NRXN3: variants seen among roughly 807,000 people sequenced by gnomAD.
NRXN3 encodes the protein neurexin 3.
NRXN3 carries 32 observed loss-of-function variants against 137.6 expected under a neutral mutation model. That is an observed-to-expected ratio of 0.23 (90% CI 0.18 to 0.31). The LOEUF (loss-of-function observed/expected upper bound fraction) is 0.31. NRXN3 is among the 10% of genes least tolerant of loss of function. NRXN3 has a pLI of 1.00. For synonymous variants in NRXN3, 798 were observed against 784.5 expected, an observed-to-expected ratio of 1.02 and a Z score of -0.29; for missense variants, 1,574 against 2,062.5, an observed-to-expected ratio of 0.76 and a Z score of 4.59.
intron 17 of NRXN3, chr14:79,669,260 A>G (rs1203297905): frequency 6.6e-6 from 1 of 152,130 alleles, no homozygotes; most frequent in African/African-American, 2.4e-5. Flanking sequence ...GGAAAGCCAT[A>G]TTTGAACAAG....
rs2099023659 is a variant in NRXN3, at chr14:79,757,467, G to C, written c.4015-47645G>C. Among the ~76,000 whole-genome samples, 4 of 152,206 alleles carry C rather than the reference G, an allele frequency of 2.6e-5. 1 individual carries two copies. The South Asian group carries it at 8.3e-4, about 32-fold the overall frequency. On this transcript the variant is annotated intron_variant, in intron 19 of 20. Transcript: ENST00000335750. Reference sequence around the variant, plus strand: ...ATTGAGAAGACCAAGCAAAATTAATGGTGATATTATATCTGGTGAAATTAT... The same window carrying C: ...ATTGAGAAGACCAAGCAAAATTAATCGTGATATTATATCTGGTGAAATTAT...
At chr14:79,000,687 G>C (rs2099539626) in intron 15 of NRXN3, among the ~76,000 whole-genome samples, 1 of 152,144 alleles carries the variant, frequency 6.6e-6, no homozygotes, top group Non-Finnish European at 1.5e-5. Flanking sequence ...GCTCACATCA[G>C]TGCCCTGCTG....
At chr14:78,819,186 C>T (rs74065169) in intron 10 of NRXN3, among the ~76,000 whole-genome samples, 3,935 of 152,134 alleles carry the variant, frequency 0.026, 76 homozygotes, top group East Asian at 0.06. Flanking sequence ...TTCCTTCTAC[C>T]TTTCCAAGAT....
chr14:78,456,339 T>C (rs1289574464), intron 4 of NRXN3, among the ~76,000 whole-genome samples: 1 of 152,188 alleles, frequency 6.6e-6, no homozygotes, highest in African/African-American at 2.4e-5. Flanking sequence ...TGAATAAGGC[T>C]TATTAATAGG....
chr14:79,253,352 T>C (rs1371486152), intron 15 of NRXN3, among the ~76,000 whole-genome samples: 1 of 152,124 alleles, frequency 6.6e-6, no homozygotes, highest in Admixed American at 6.5e-5. Flanking sequence ...GGGAATACAG[T>C]AAAAGCTTTC....
intron 15 of NRXN3, among the ~76,000 whole-genome samples, chr14:79,236,584 A>G (rs2073403131): frequency 6.6e-6 from 1 of 152,186 alleles, no homozygotes; most frequent in East Asian, 1.9e-4. Context: ...AGAAAAATAT[A>G]TATTTTTTGT....
At chr14:79,609,301 T>C (rs550969799) in intron 16 of NRXN3, among the ~76,000 whole-genome samples, 52 of 152,274 alleles carry the variant, frequency 3.4e-4, no homozygotes, top group Admixed American at 2.9e-3. Flanking sequence ...AAGGGCTCCT[T>C]ACCACAGTCA....
intron 4 of NRXN3, among the ~76,000 whole-genome samples, chr14:78,621,569 T>C (rs1303468552): frequency 3.3e-5 from 5 of 152,250 alleles, no homozygotes; most frequent in African/African-American, 1.2e-4. Context: ...CTTATGTTCT[T>C]GGAGATAATA....
intron 4 of NRXN3, among the ~76,000 whole-genome samples, chr14:78,634,751 A>G (rs973707766): frequency 2.0e-5 from 3 of 151,728 alleles, no homozygotes; most frequent in African/African-American, 7.3e-5. Flanking sequence ...TGATGGGGAG[A>G]TTTTCTGTAT....
chr14:79,137,266 G>T (rs1365463324), intron 15 of NRXN3, among the ~76,000 whole-genome samples: 1 of 152,180 alleles, frequency 6.6e-6, no homozygotes. Flanking sequence ...GGAGGAAGGT[G>T]ACAGGAGAGT....
chr14:78,417,346 C>G (rs1361608511), intron 4 of NRXN3, among the ~76,000 whole-genome samples: 1 of 152,236 alleles, frequency 6.6e-6, no homozygotes, highest in Non-Finnish European at 1.5e-5. Flanking sequence ...CTTCCTGACT[C>G]TGACCTCCTT....
At chr14:79,273,200 AT>A (rs2079664996) in intron 15 of NRXN3, among the ~76,000 whole-genome samples, 7 of 127,656 alleles carry the variant, frequency 5.5e-5, no homozygotes, top group African/African-American at 1.5e-4. Flanking sequence ...AAAAAAAAAA[AT>A]GGGTGGGAGG....
At position 79,098,844 on chromosome 14, in the gene NRXN3, G is replaced by T. The variant is rs139067303; in HGVS notation, c.3262+110703G>T. Reference sequence around the variant, plus strand: ...CATTCAAAGGCCAAAGGGGAAAAAAGATTTTTCCCCTGTATCTCACTATTT... The same window carrying T: ...CATTCAAAGGCCAAAGGGGAAAAAATATTTTTCCCCTGTATCTCACTATTT... On this transcript the variant is annotated intron_variant, in intron 15 of 20. Transcript: ENST00000335750. Among the ~76,000 whole-genome samples, 12 of 152,254 alleles carry T rather than the reference G, an allele frequency of 7.9e-5. No homozygotes were observed. The East Asian group carries it at 2.1e-3, about 27-fold the overall frequency.
intron 8 of NRXN3, among the ~76,000 whole-genome samples, chr14:78,716,705 A>G (rs1176799883): frequency 1.3e-5 from 2 of 152,202 alleles, no homozygotes; most frequent in East Asian, 1.9e-4. Flanking sequence ...TGTAAGGCCA[A>G]CTGTGGGGCC....
intron 17 of NRXN3, among the ~76,000 whole-genome samples, chr14:79,667,696 TA>T (rs1396288949): frequency 2.0e-5 from 3 of 151,926 alleles, no homozygotes; most frequent in African/African-American, 4.8e-5. Flanking sequence ...GAGAGGGAAA[TA>T]AAAGAAGAAT....
At chr14:79,351,959 G>A (rs1402737305) in intron 15 of NRXN3, among the ~76,000 whole-genome samples, 2 of 152,170 alleles carry the variant, frequency 1.3e-5, no homozygotes, top group Non-Finnish European at 2.9e-5. Flanking sequence ...TTAAAAGTCT[G>A]AAGCAAGAAG....
In NRXN3 at chr14:78,473,186, A is replaced by C. The variant is rs1042799744; in HGVS notation, c.758-171934A>C. 5.3e-5 allele frequency among the ~76,000 whole-genome samples: 8 copies of C among 152,124 alleles called. No homozygotes were observed. In the East Asian group the frequency reaches 1.6e-3, roughly 30 times the overall value. Reference sequence around the variant, plus strand: ...GGGAGGCCGAGGTGGGTGGATCATGAGGTCAGGAGATCAAGACCATCCTGG... The same window carrying C: ...GGGAGGCCGAGGTGGGTGGATCATGCGGTCAGGAGATCAAGACCATCCTGG... On this transcript the variant is annotated intron_variant, in intron 4 of 20. Transcript: ENST00000335750.
intron 4 of NRXN3, among the ~76,000 whole-genome samples, chr14:78,319,882 T>C (rs995912189): frequency 1.3e-4 from 20 of 152,230 alleles, no homozygotes; most frequent in Non-Finnish European, 2.6e-4. Context: ...TTAAGAAATA[T>C]AATCTGACTG....
At chr14:78,933,398 A>T (rs2099327467) in intron 10 of NRXN3, among the ~76,000 whole-genome samples, 1 of 152,238 alleles carries the variant, frequency 6.6e-6, no homozygotes, top group Non-Finnish European at 1.5e-5. Context: ...TTCAGTAAGC[A>T]CAGTATACTT....
Sources: allele counts gnomAD v4.1 joint callset (sites outside exome capture counted in the v4.1 genomes callset), GRCh38; gene constraint gnomAD v4.1.1; transcripts MANE v1.5; gene names NCBI Gene and HGNC (gene_info 2026-07-23, HGNC 2026-07-21).